The following HTT variants were observed in gnomAD, a reference collection of about 807,000 sequenced individuals.
HTT encodes huntingtin.
HTT carries 104 observed loss-of-function variants against 362.3 expected under a neutral mutation model. The ratio of observed to expected loss-of-function variants is 0.29; its 90% confidence interval spans 0.24 to 0.34. The LOEUF is 0.34. HTT is among the 10% of genes least tolerant of loss of function. The pLI, the probability that HTT is intolerant of heterozygous loss-of-function variation, is 1.00. For synonymous variants in HTT, 1,577 were observed against 1,548.7 expected (o/e 1.02, Z -0.43); for missense variants, 3,301 against 3,928.6 (o/e 0.84, Z 4.27).
chr4:3,152,339 T>A (rs1282969378), intron 26 of HTT, among the ~76,000 whole-genome samples: 5 of 152,136 alleles, frequency 3.3e-5, no homozygotes, highest in African/African-American at 9.7e-5. Context: ...ACCTCGTGAT[T>A]AGCCCGCCTC....
In HTT at chr4:3,229,934, G is replaced by A. The variant is rs2276881; in HGVS notation, c.8157G>A (p.Leu2719=). 138,865 of 1,613,994 alleles carry A rather than the reference G, an allele frequency of 0.086. 8,994 individuals are homozygous for A. The highest frequency in any genetic ancestry group is 0.35 in the East Asian group (15,776 of 44,862). ...TCACCGAGCGCAACCAGTTTGAGCT[G>A]ATGTATGTGACGCTGACAGAACTGC... ...DLFTERNQFE[L]MYVTLTELRR... is the part of the protein sequence containing the mutation. Residue 2719 remains leucine (L), a synonymous_variant, in exon 60 of 67, where the codon CTG becomes CTA. Coordinates refer to ENST00000355072, the MANE Select transcript of HTT (RefSeq NM_001388492.1).
intron 1 of HTT, among the ~76,000 whole-genome samples, chr4:3,081,744 A>G (rs1712921987): frequency 6.6e-6 from 1 of 150,968 alleles, no homozygotes. Flanking sequence ...TTTAGTAGAG[A>G]CGGGGTTTCT....
chr4:3,229,595 C>A (rs1275452729), intron 59 of HTT, among the ~76,000 whole-genome samples: 1 of 150,828 alleles, frequency 6.6e-6, no homozygotes, highest in East Asian at 2.0e-4. Flanking sequence ...TATACACACC[C>A]CACACCACAC....
chr4:3,121,034 C>CA (rs1373562066), intron 8 of HTT, among the ~76,000 whole-genome samples, 194 bp from the exon 9 acceptor site: 1 of 151,890 alleles, frequency 6.6e-6, no homozygotes, highest in African/African-American at 2.4e-5. Context: ...ATTAATATAA[C>CA]AAAAAATCAT....
intron 1 of HTT, among the ~76,000 whole-genome samples, chr4:3,084,772 G>A (rs1713111923): frequency 6.6e-6 from 1 of 151,910 alleles, no homozygotes; most frequent in Non-Finnish European, 1.5e-5. Context: ...CCAGCACTTT[G>A]GGAGGCCGAG....
chr4:3,160,042 G>A (rs1383355036), intron 28 of HTT, among the ~76,000 whole-genome samples: 3 of 152,078 alleles, frequency 2.0e-5, no homozygotes, highest in East Asian at 1.9e-4. Flanking sequence ...TTCCAGTAGC[G>A]CCAGTGTAAC....
rs938442125 is a variant in HTT, at chr4:3,223,574, C to T, written c.7625+14C>T. On this transcript the variant is annotated intron_variant, in intron 55 of 66. Transcript: ENST00000355072. The stretch of plus-strand genomic sequence containing the variant: ...TCTCGACACCAGGTTTGCTTGAGTT[C>T]CCACGTGTCTCTGGGACATAGCAGG... 2 of 1,594,476 alleles carry T rather than the reference C, an allele frequency of 1.3e-6. No homozygotes were observed. Among genetic ancestry groups the T allele is most frequent in the Non-Finnish European group, 1.7e-6 (2 of 1,168,202 alleles).
intron 59 of HTT, among the ~76,000 whole-genome samples, chr4:3,229,670 T>TACACACCATAC (rs1399436037): frequency 6.6e-6 from 1 of 151,560 alleles, no homozygotes; most frequent in Non-Finnish European, 1.5e-5. Flanking sequence ...ACGCCACATG[T>TACACACCATAC]ACACACCATA....
Position 3,107,294 on chromosome 4 carries a change from G to T in HTT, c.618G>T (p.Leu206=). The change falls in exon 6 of 67, where the codon CTG becomes CTT. Residue 206 remains leucine, a synonymous_variant. Transcript: ENST00000355072. ...LVRPQKCRPY[L]VNLLPCLTRT... ...TCTTTTGCATACACAGGCCTTACCT[G>T]GTGAACCTTCTGCCGTGCCTGACTC... 1 of 1,614,164 alleles carries T rather than the reference G, an allele frequency of 6.2e-7. No homozygotes were observed. Among genetic ancestry groups the T allele is most frequent in the South Asian group, 1.1e-5 (1 of 91,086 alleles).
chr4:3,130,585 G>A (rs1715762239), intron 14 of HTT, among the ~76,000 whole-genome samples, 162 bp downstream of exon 14: 1 of 152,128 alleles, frequency 6.6e-6, no homozygotes, highest in African/African-American at 2.4e-5. Context: ...TGCCTTTCCA[G>A]GTACTACCCA....
intron 2 of HTT, among the ~76,000 whole-genome samples, chr4:3,092,076 G>A (rs1368182324): frequency 1.3e-5 from 2 of 152,328 alleles, no homozygotes; most frequent in East Asian, 3.9e-4. Context: ...GGGCCAGAGT[G>A]CAATGGTGCG....
At chr4:3,201,903 C>T (rs1425786984) in intron 41 of HTT, among the ~76,000 whole-genome samples, 1 of 152,150 alleles carries the variant, frequency 6.6e-6, no homozygotes, top group Admixed American at 6.5e-5. Context: ...CATAAAATTG[C>T]TGTATCCAGT....
rs362321 is a variant in HTT at position 3,220,301 on chromosome 4, C to T, written c.7362C>T (p.Asn2454=). The T allele has an allele frequency of 6.1e-4, 979 of 1,613,970 alleles. 7 individuals carry two copies. The African/African-American group carries it at 0.012, about 19-fold the overall frequency. The change falls in exon 53 of 67, where the codon AAC becomes AAT. Residue 2454 remains asparagine, a synonymous_variant. Coordinates refer to ENST00000355072, the MANE Select transcript of HTT (RefSeq NM_001388492.1). ...EVFKEFIYRI[N]TLGWTSRTQF... is the part of the protein sequence containing the mutation. ...TTAAGGAGTTCATCTACCGCATCAA[C>T]ACACTAGGTACTCTTGGGGCCTCTC...
chr4:3,157,864 ACAGAAGAATTTTTCTG>A, intron 28 of HTT, among the ~76,000 whole-genome samples: 1 of 152,046 alleles, frequency 6.6e-6, no homozygotes, highest in Non-Finnish European at 1.5e-5. Context: ...AATAATGTTT[ACAGAAGAATTTTTCTG>A]CACTAATTGG....
intron 8 of HTT, among the ~76,000 whole-genome samples, chr4:3,120,052 G>C (rs909265061): frequency 1.3e-5 from 2 of 152,082 alleles, no homozygotes; most frequent in African/African-American, 4.8e-5. Context: ...TGTGCACTGT[G>C]GTTTGCTGAC....
intron 28 of HTT, among the ~76,000 whole-genome samples, chr4:3,159,980 A>G (rs187091880): frequency 1.3e-5 from 2 of 152,356 alleles, no homozygotes; most frequent in Admixed American, 6.5e-5. Flanking sequence ...ACTGATTATG[A>G]TGGACATTTA....
intron 37 of HTT, among the ~76,000 whole-genome samples, chr4:3,184,054 G>A (rs550059022): frequency 2.6e-5 from 4 of 152,042 alleles, no homozygotes; most frequent in South Asian, 4.2e-4. Flanking sequence ...ATACCATGGC[G>A]GCTGATCAGG....
chr4:3,221,257 A>G (rs1157829220), intron 53 of HTT, among the ~76,000 whole-genome samples: 2 of 152,062 alleles, frequency 1.3e-5, no homozygotes, highest in East Asian at 1.9e-4. Flanking sequence ...TTATAATTCA[A>G]TGTCCAAAGA....
At chr4:3,195,109 C>T (rs1036561466) in intron 40 of HTT, among the ~76,000 whole-genome samples, 11 of 152,008 alleles carry the variant, frequency 7.2e-5, no homozygotes, top group East Asian at 1.9e-4. Context: ...TGAGTGTAGC[C>T]GCTGCCACTT....
Sources: gnomAD v4.1 joint callset for allele counts (sites outside exome capture counted in the v4.1 genomes callset) on GRCh38, gnomAD v4.1.1 for gene constraint, MANE v1.5 for transcripts, NCBI Gene and HGNC (gene_info 2026-07-23, HGNC 2026-07-21) for gene names.